The following PPP1R9A variants were observed in gnomAD, a reference collection of about 807,000 sequenced individuals.
PPP1R9A encodes the protein protein phosphatase 1 regulatory subunit 9A, also known as neurabin-1.
In PPP1R9A, 59 loss-of-function variants were observed where a neutral mutation model predicts 141.9. The observed-to-expected ratio is 0.42, with a 90% CI of 0.34 to 0.52. The LOEUF is 0.52. PPP1R9A is among the 20% of genes least tolerant of loss of function. The pLI is 0.10. For missense variants in PPP1R9A, 1,444 were observed against 1,611.9 expected (o/e 0.90, Z 1.78); for synonymous variants, 500 against 569.7 (o/e 0.88, Z 1.74).
chr7:95,105,635 G>A (rs779192788), intron 2 of PPP1R9A, among the ~76,000 whole-genome samples: 16 of 152,320 alleles, frequency 1.1e-4, no homozygotes, highest in Non-Finnish European at 1.9e-4. Flanking sequence ...AGAGTTTTTT[G>A]TGTTGCTGGA....
chr7:94,981,389 G>A (rs1243566133), intron 2 of PPP1R9A, among the ~76,000 whole-genome samples: 8 of 152,038 alleles, frequency 5.3e-5, no homozygotes, highest in Non-Finnish European at 1.2e-4. Context: ...ACAGGAGTGC[G>A]CTACCGCAGC....
chr7:95,287,037 T>G, intron 18 of PPP1R9A: 2 of 1,462,290 alleles, frequency 1.4e-6, no homozygotes, highest in Non-Finnish European at 1.9e-6. Flanking sequence ...ATTAAAATTA[T>G]GTACTATATA....
chr7:95,048,753 G>A (rs940742748), intron 2 of PPP1R9A, among the ~76,000 whole-genome samples: 1 of 151,894 alleles, frequency 6.6e-6, no homozygotes, highest in Non-Finnish European at 1.5e-5. Flanking sequence ...CACTATGCCG[G>A]TCAGGCTGGT....
intron 12 of PPP1R9A, among the ~76,000 whole-genome samples, chr7:95,266,329 CT>C (rs140879429): frequency 1.2e-4 from 18 of 151,012 alleles, no homozygotes; most frequent in African/African-American, 1.9e-4. Context: ...ACATGTCATC[CT>C]TTTTTTTTAT....
At chr7:95,179,837 A>G (rs2695699) in intron 5 of PPP1R9A, among the ~76,000 whole-genome samples, 63,212 of 149,364 alleles carry the variant, frequency 0.42, 13,577 homozygotes, top group Middle Eastern at 0.49. Flanking sequence ...AAAGACCTCT[A>G]CAAGGAAAAC....
chr7:95,121,455 GTCTGTCTA>G (rs1213891347), intron 4 of PPP1R9A, among the ~76,000 whole-genome samples: 23,635 of 144,270 alleles, frequency 0.16, 2,083 homozygotes, highest in East Asian at 0.2. Context: ...CTGTCTGTCT[GTCTGTCTA>G]TCTATCTATC....
chr7:94,911,403 C>G lies in PPP1R9A; in HGVS notation c.1290C>G (p.Asn430Lys), dbSNP rs1427736433. The G allele has an allele frequency of 1.2e-6, 2 of 1,613,202 alleles. No homozygotes were observed. Among genetic ancestry groups the G allele is most frequent in the African/African-American group, 2.7e-5 (2 of 74,882 alleles). ...ATGAGGAGGAAGATAGTGATGAGAA[C>G]AGTTACTATCAGCCTGATATGGAGT... ...EQDEEEDSDE[N>K]SYYQPDMEYS... Residue 430 changes from asparagine to lysine, a missense_variant, in exon 2 of 20, where the codon AAC (asparagine) becomes AAG (lysine). This residue lies in a region of PPP1R9A where 490 missense variants were observed against 521.1 expected (regional missense o/e 0.94). Coordinates refer to ENST00000433360, the MANE Select transcript of PPP1R9A (RefSeq NM_001166160.2).
chr7:95,225,572 CCCCTT>C (rs1422238636), intron 7 of PPP1R9A, among the ~76,000 whole-genome samples: 2 of 152,148 alleles, frequency 1.3e-5, no homozygotes, highest in Non-Finnish European at 2.9e-5. Context: ...TCATTAAACT[CCCCTT>C]CCCTTTTCAT....
chr7:95,130,477 A>G (rs781283648), intron 4 of PPP1R9A, among the ~76,000 whole-genome samples: 12 of 152,198 alleles, frequency 7.9e-5, no homozygotes, highest in Non-Finnish European at 1.5e-4. Context: ...CTGATAGAGC[A>G]GTGTGGAAGG....
chr7:95,078,583 T>A lies in PPP1R9A; in HGVS notation c.1396-32676T>A, dbSNP rs1449119591. 2.0e-5 allele frequency among the ~76,000 whole-genome samples: 3 copies of A among 152,148 alleles called. No homozygotes were observed. The East Asian group carries it at 5.8e-4, about 29-fold the overall frequency. On this transcript the variant is annotated intron_variant, in intron 2 of 19. Transcript: ENST00000433360. ...TGACTTCCACAAGGGTTGAACTAGT[T>A]TACAGTCCCAACAACAGTGTAAAAG...
At chr7:95,075,218 G>A (rs1814657221) in intron 2 of PPP1R9A, among the ~76,000 whole-genome samples, 1 of 152,002 alleles carries the variant, frequency 6.6e-6, no homozygotes, top group Admixed American at 6.5e-5. Flanking sequence ...TATTGCTTCT[G>A]AGTATTATGT....
At chr7:94,917,726 C>T (rs1792272175) in intron 2 of PPP1R9A, among the ~76,000 whole-genome samples, 1 of 152,070 alleles carries the variant, frequency 6.6e-6, no homozygotes, top group Non-Finnish European at 1.5e-5. Flanking sequence ...CTTTTTGGAT[C>T]ATACATACTT....
intron 4 of PPP1R9A, among the ~76,000 whole-genome samples, chr7:95,139,158 G>A (rs1053179443): frequency 2.6e-5 from 4 of 152,200 alleles, no homozygotes; most frequent in Non-Finnish European, 5.9e-5. Context: ...AATGAAAGCG[G>A]TTTAATTGAC....
intron 12 of PPP1R9A, among the ~76,000 whole-genome samples, chr7:95,256,814 C>A (rs1455514554): frequency 3.3e-5 from 5 of 152,014 alleles, no homozygotes; most frequent in African/African-American, 1.2e-4. Context: ...TCATTTCCAA[C>A]AAACAAAATG....
chr7:95,274,781 G>C (rs369535431), intron 16 of PPP1R9A, among the ~76,000 whole-genome samples: 1 of 152,194 alleles, frequency 6.6e-6, no homozygotes, highest in Admixed American at 6.5e-5. Context: ...TTTGTATAGG[G>C]AGTCAGTAAA....
intron 2 of PPP1R9A, among the ~76,000 whole-genome samples, chr7:94,917,416 A>C (rs557898822): frequency 5.9e-4 from 89 of 151,410 alleles, no homozygotes; most frequent in Non-Finnish European, 9.0e-4. Flanking sequence ...AATTTAATTA[A>C]TTTTTTTTGA....
chr7:95,009,067 C>T (rs1364267492), intron 2 of PPP1R9A, among the ~76,000 whole-genome samples: 3 of 151,988 alleles, frequency 2.0e-5, no homozygotes, highest in South Asian at 2.1e-4. Context: ...AACCAAACAC[C>T]GCATGTTCTC....
At chr7:95,007,743 C>T (rs1453784127) in intron 2 of PPP1R9A, among the ~76,000 whole-genome samples, 1 of 152,024 alleles carries the variant, frequency 6.6e-6, no homozygotes, top group African/African-American at 2.4e-5. Context: ...AAATACTATC[C>T]TTAGTATTCC....
At chr7:95,021,161 G>T (rs1409882275) in intron 2 of PPP1R9A, among the ~76,000 whole-genome samples, 1 of 152,060 alleles carries the variant, frequency 6.6e-6, no homozygotes, top group African/African-American at 2.4e-5. Flanking sequence ...TTTAATGATC[G>T]CCATTCTAAC....
Sources: allele counts gnomAD v4.1 joint callset (sites outside exome capture counted in the v4.1 genomes callset), GRCh38; gene constraint gnomAD v4.1.1; regional missense constraint gnomAD v4.1.1; transcripts MANE v1.5; gene names NCBI Gene and HGNC (gene_info 2026-07-23, HGNC 2026-07-21).